PSD3: variants seen among roughly 807,000 people sequenced by gnomAD.
PSD3 encodes PH and SEC7 domain-containing protein 3.
A neutral mutation model predicts 105.5 loss-of-function variants in PSD3; 49 were observed. The ratio of observed to expected loss-of-function variants is 0.46; its 90% confidence interval spans 0.37 to 0.59. The LOEUF (loss-of-function observed/expected upper bound fraction) is 0.59, where lower values mean the gene tolerates loss of function less well. Among genes scored for constraint, PSD3 ranks in the 20% least tolerant of loss-of-function variants. PSD3 has a pLI of 0.00. For synonymous variants in PSD3, 557 were observed against 457.8 expected (o/e 1.22, Z -2.77); for missense variants, 1,561 against 1,263.8 (o/e 1.24, Z -3.57).
intron 11 of PSD3, among the ~76,000 whole-genome samples, chr8:18,602,353 C>T (rs1043686457): frequency 1.3e-5 from 2 of 151,994 alleles, no homozygotes; most frequent in Non-Finnish European, 2.9e-5. Flanking sequence ...TAAAAGTCAC[C>T]CATGAGTGAC....
chr8:18,686,024 AAAAC>A (rs943297038), intron 9 of PSD3, among the ~76,000 whole-genome samples: 6 of 152,166 alleles, frequency 3.9e-5, no homozygotes, highest in Non-Finnish European at 7.3e-5. Context: ...GTTAGATTAA[AAAAC>A]AAACAAACAA....
intron 1 of PSD3, among the ~76,000 whole-genome samples, chr8:18,967,130 C>G (rs1467982709): frequency 6.6e-6 from 1 of 151,544 alleles, no homozygotes; most frequent in South Asian, 2.1e-4. Flanking sequence ...AGCATGGAAT[C>G]CCACTTAGGA....
intron 9 of PSD3, among the ~76,000 whole-genome samples, chr8:18,711,825 A>G (rs576617748): frequency 6.6e-6 from 1 of 152,304 alleles, no homozygotes; most frequent in East Asian, 1.9e-4. Flanking sequence ...AACAGAATAC[A>G]CATTCTTTTT....
At chr8:18,628,427 G>A (rs1806651571) in intron 11 of PSD3, among the ~76,000 whole-genome samples, 1 of 151,858 alleles carries the variant, frequency 6.6e-6, no homozygotes, top group African/African-American at 2.4e-5. Context: ...AGGGAAAAAT[G>A]AAACATCATC....
chr8:18,880,196 AT>A (rs576803206), intron 2 of PSD3, among the ~76,000 whole-genome samples: 4 of 152,140 alleles, frequency 2.6e-5, no homozygotes, highest in Admixed American at 1.3e-4. Flanking sequence ...TAAGATAATT[AT>A]TTTTTTAAAA....
At chr8:18,816,497 T>C (rs1468125392) in intron 4 of PSD3, among the ~76,000 whole-genome samples, 3 of 152,230 alleles carry the variant, frequency 2.0e-5, no homozygotes, top group Non-Finnish European at 2.9e-5. Flanking sequence ...TTGGTGTATA[T>C]AGGAACAAAC....
chr8:18,773,108 T>A (rs1006175412), intron 8 of PSD3, among the ~76,000 whole-genome samples: 2 of 152,204 alleles, frequency 1.3e-5, no homozygotes, highest in South Asian at 2.1e-4. Context: ...AATAACGTGA[T>A]GTTTTTCCCC....
chr8:18,987,932 C>A (rs1001749117), intron 1 of PSD3, among the ~76,000 whole-genome samples: 1 of 152,132 alleles, frequency 6.6e-6, no homozygotes, highest in Non-Finnish European at 1.5e-5. Flanking sequence ...TTAAGTTTTT[C>A]ATTCTTTCAA....
intron 8 of PSD3, among the ~76,000 whole-genome samples, chr8:18,770,418 G>C (rs536697193): frequency 6.6e-6 from 1 of 151,720 alleles, no homozygotes; most frequent in East Asian, 1.9e-4. Flanking sequence ...CCATTCTGTG[G>C]GTCTTTTCAT....
At chr8:18,997,393 C>A (rs988169391) in intron 1 of PSD3, among the ~76,000 whole-genome samples, 24 of 151,940 alleles carry the variant, frequency 1.6e-4, no homozygotes, top group African/African-American at 4.8e-4. Flanking sequence ...TCCCACTCAA[C>A]CTTCAAAACA....
At chr8:18,920,850 C>T (rs1820964463) in intron 2 of PSD3, among the ~76,000 whole-genome samples, 2 of 152,066 alleles carry the variant, frequency 1.3e-5, no homozygotes, top group South Asian at 4.2e-4. Flanking sequence ...AAAATATACC[C>T]AACCATTCAA....
Position 19,013,551 on chromosome 8 carries a change from C to T in PSD3, c.21+12G>A, listed in dbSNP as rs748901051. 1.9e-5 allele frequency: 30 copies of T among 1,568,678 alleles called. No homozygotes were observed. In the African/African-American group the frequency reaches 3.5e-4, roughly 18 times the overall value. ...GCGCACCCCGCGCCCGCGCCCCGGC[C>T]CCGGAGCTCACCGCTGCGCTCCTTC... On this transcript the variant is annotated intron_variant, in intron 1 of 15. Transcript: ENST00000327040.
At chr8:19,043,539 A>G (rs889706703) in intron 1 of PSD3, among the ~76,000 whole-genome samples, 3 of 152,208 alleles carry the variant, frequency 2.0e-5, no homozygotes, top group African/African-American at 7.2e-5. Context: ...CACATATTGT[A>G]TGAAATCTTG....
chr8:18,933,294 G>A (rs956581524), intron 2 of PSD3, among the ~76,000 whole-genome samples: 1 of 151,564 alleles, frequency 6.6e-6, no homozygotes, highest in African/African-American at 2.4e-5. Context: ...GAGTAAGGAA[G>A]AACCAAACTC....
At chr8:18,598,410 T>TAAAAAAAAA (rs1211306767) in intron 12 of PSD3, among the ~76,000 whole-genome samples, 1 of 1,400 alleles carries the variant, frequency 7.1e-4, no homozygotes, top group African/African-American at 1.3e-3. Flanking sequence ...TAGAGTATAA[T>TAAAAAAAAA]AAAAAAAAAA....
intron 1 of PSD3, among the ~76,000 whole-genome samples, chr8:18,992,098 A>G (rs1052007545): frequency 9.9e-5 from 15 of 152,176 alleles, no homozygotes; most frequent in African/African-American, 3.4e-4. Flanking sequence ...TCTATGGTAG[A>G]ACATTTTTAA....
intron 9 of PSD3, among the ~76,000 whole-genome samples, chr8:18,731,713 C>T (rs979113641): frequency 2.0e-5 from 3 of 152,182 alleles, no homozygotes; most frequent in African/African-American, 4.8e-5. Context: ...AAAAGTTGTA[C>T]TTTTAAAAAG....
Position 18,822,719 on chromosome 8 carries a change from G to A in PSD3, c.1635-17821C>T, listed in dbSNP as rs140592430. ...AACTCAGAAAACAGCTTGCACTCAT[G>A]TTTTATGACTTTCAGAGAACACTGA... On this transcript the variant is annotated intron_variant, in intron 4 of 15. Transcript: ENST00000327040. Among the ~76,000 whole-genome samples the A allele has an allele frequency of 9.1e-4, 138 of 152,268 alleles. No homozygotes were observed. The Middle Eastern group carries it at 0.017, about 19-fold the overall frequency.
At chr8:18,659,753 G>C (rs1490636836) in intron 9 of PSD3, among the ~76,000 whole-genome samples, 1 of 152,190 alleles carries the variant, frequency 6.6e-6, no homozygotes, top group Non-Finnish European at 1.5e-5. Context: ...TGATGGGCTG[G>C]CTGCACTGAT....
Sources: gnomAD v4.1 joint callset for allele counts (sites outside exome capture counted in the v4.1 genomes callset) on GRCh38, gnomAD v4.1.1 for gene constraint, MANE v1.5 for transcripts, NCBI Gene and HGNC (gene_info 2026-07-23, HGNC 2026-07-21) for gene names.